Variants in TENM3 observed in about 807,000 individuals in gnomAD.
TENM3 encodes the protein teneurin-3.
Under a neutral mutation model 255.1 loss-of-function variants are expected in TENM3, and 63 were observed. The ratio of observed to expected loss-of-function variants is 0.25; its 90% CI spans 0.20 to 0.30. The LOEUF (loss-of-function observed/expected upper bound fraction) is 0.30. TENM3 is among the 10% of genes least tolerant of loss of function. TENM3 has a pLI of 1.00. For synonymous variants in TENM3, 1,306 were observed against 1,322.3 expected, an observed-to-expected ratio of 0.99 and a Z score of 0.27; for missense variants, 2,929 against 3,461.1, an observed-to-expected ratio of 0.85 and a Z score of 3.86.
chr4:182,295,194 T>A (rs1761389760), intron 1 of TENM3, among the ~76,000 whole-genome samples: 1 of 151,608 alleles, frequency 6.6e-6, no homozygotes, highest in African/African-American at 2.4e-5. Context: ...TTATTGATGA[T>A]ATAAGACACA....
the TENM3 span, among the ~76,000 whole-genome samples, chr4:181,546,442 G>A: frequency 0.051 from 7,614 of 149,640 alleles, 372 homozygotes; most frequent in African/African-American, 0.13. Flanking sequence ...GAGGCTGAGC[G>A]CGGTGGCTCA....
the TENM3 span, among the ~76,000 whole-genome samples, chr4:181,463,144 A>G: frequency 6.6e-6 from 1 of 152,188 alleles, no homozygotes; most frequent in Non-Finnish European, 1.5e-5. Flanking sequence ...AAAAAACAAC[A>G]TAGCCCTCCC....
At chr4:182,644,864 CAG>C (rs1203358603) in intron 5 of TENM3, among the ~76,000 whole-genome samples, 1 of 152,038 alleles carries the variant, frequency 6.6e-6, no homozygotes, top group African/African-American at 2.4e-5. Flanking sequence ...CTGTTAGTAA[CAG>C]AGGTTTTGAC....
chr4:182,639,320 C>T (rs1196511827), intron 5 of TENM3, among the ~76,000 whole-genome samples: 3 of 152,170 alleles, frequency 2.0e-5, no homozygotes, highest in Non-Finnish European at 2.9e-5. Flanking sequence ...AGTTAACCTT[C>T]GTAAACCTGA....
At chr4:182,253,040 A>G (rs557746354) in intron 1 of TENM3, among the ~76,000 whole-genome samples, 1 of 152,358 alleles carries the variant, frequency 6.6e-6, no homozygotes, top group East Asian at 1.9e-4. Context: ...AAGGAGAAAG[A>G]AAATGATTTT....
chr4:181,846,202 A>G, the TENM3 span, among the ~76,000 whole-genome samples: 1 of 152,174 alleles, frequency 6.6e-6, no homozygotes, highest in South Asian at 2.1e-4. Flanking sequence ...TTCATAAGTC[A>G]TTTGGAGTTT....
chr4:181,982,528 C>A, the TENM3 span, among the ~76,000 whole-genome samples: 1 of 152,158 alleles, frequency 6.6e-6, no homozygotes, highest in Non-Finnish European at 1.5e-5. Context: ...TTAGGCACTT[C>A]TGGAGCTACA....
At chr4:181,709,700 T>C in the TENM3 span, among the ~76,000 whole-genome samples, 1 of 152,162 alleles carries the variant, frequency 6.6e-6, no homozygotes, top group Non-Finnish European at 1.5e-5. Flanking sequence ...ATGTGGATCA[T>C]AGGAGGGGAC....
Position 182,209,483 on chromosome 4 carries a change from C to G in TENM3, c.-76+64729C>G, listed in dbSNP as rs1579727922. On this transcript the variant is annotated intron_variant, in intron 1 of 2. Transcript: ENST00000512480. ...CAAGACTCCTGCTGGCAGACCCAGT[C>G]TTTGCTGTCCTAAACCTCTGCTTGT... Among the ~76,000 whole-genome samples, 5 of 152,180 alleles carry G rather than the reference C, an allele frequency of 3.3e-5. No homozygotes were observed. In the East Asian group the frequency reaches 9.8e-4, roughly 30 times the overall value.
chr4:182,223,075 T>C (rs1464718330), intron 1 of TENM3, among the ~76,000 whole-genome samples: 1 of 152,136 alleles, frequency 6.6e-6, no homozygotes, highest in African/African-American at 2.4e-5. Flanking sequence ...TTCAGCAGCT[T>C]GTCAATAAGA....
chr4:182,296,259 A>G (rs1761489026), intron 1 of TENM3, among the ~76,000 whole-genome samples: 1 of 152,180 alleles, frequency 6.6e-6, no homozygotes, highest in Admixed American at 6.5e-5. Context: ...TTAAGTTATT[A>G]AGAAATTACC....
chr4:181,786,502 G>T, the TENM3 span, among the ~76,000 whole-genome samples: 3 of 152,112 alleles, frequency 2.0e-5, no homozygotes, highest in Non-Finnish European at 4.4e-5. Flanking sequence ...GGGTTGAGGG[G>T]TGAGGGGTGG....
chr4:181,657,814 A>T, the TENM3 span, among the ~76,000 whole-genome samples: 7 of 145,922 alleles, frequency 4.8e-5, no homozygotes, highest in African/African-American at 1.5e-4. Flanking sequence ...AAAAAAAAAA[A>T]CAAATCTATG....
At position 182,301,516 on chromosome 4, in the gene TENM3, A is replaced by AT. The variant is rs1175681314; in HGVS notation, c.-75-22424dup. 2.6e-5 allele frequency among the ~76,000 whole-genome samples: 4 copies of AT among 152,126 alleles called. No homozygotes were observed. The South Asian group carries it at 6.2e-4, about 24-fold the overall frequency. On this transcript the variant is annotated intron_variant, in intron 1 of 27. Transcript: ENST00000511685. Reference sequence around the variant, plus strand: ...AGAAAAATATTACTGTCAATTTCAGATTTTTTCTTTAATTATTTTAAACTC... The same window carrying AT: ...AGAAAAATATTACTGTCAATTTCAGATTTTTTTCTTTAATTATTTTAAACTC...
chr4:182,143,164 AAGAGT>A (rs1217956775), upstream of TENM3: 1 of 167,118 alleles, frequency 6.0e-6, no homozygotes, highest in Non-Finnish European at 1.5e-5. The surrounding 1 kb of genome is among the most constrained non-coding windows in gnomAD (Gnocchi z 4.3). Flanking sequence ...GAGAGGAAAG[AAGAGT>A]AGTAAAAGTG....
At chr4:182,637,827 A>G (rs2152487958) in intron 5 of TENM3, among the ~76,000 whole-genome samples, 1 of 152,358 alleles carries the variant, frequency 6.6e-6, no homozygotes, top group Non-Finnish European at 1.5e-5. Flanking sequence ...CATAAAAGAC[A>G]GAACTTTACT....
At chr4:181,612,727 T>C in the TENM3 span, among the ~76,000 whole-genome samples, 2 of 152,192 alleles carry the variant, frequency 1.3e-5, no homozygotes, top group African/African-American at 2.4e-5. Context: ...GAGAAGACTG[T>C]CTAAAGGCTT....
In TENM3 at chr4:182,564,584, T is replaced by G. The variant is rs868609610; in HGVS notation, c.512-36340T>G. Among the ~76,000 whole-genome samples, 407 of 149,180 alleles carry G rather than the reference T, an allele frequency of 2.7e-3. 1 individual carries two copies. Among genetic ancestry groups the G allele is most frequent in the African/African-American group, 9.0e-3 (373 of 41,298 alleles). ...TTTTTGTTTTTGTTTTTGTTTTGTT[T>G]TTTTTTTTTTTGGTCCAATATCCCT... On this transcript the variant is annotated intron_variant, in intron 3 of 27. Coordinates refer to ENST00000511685, the MANE Select transcript of TENM3 (RefSeq NM_001080477.4).
the TENM3 span, among the ~76,000 whole-genome samples, chr4:182,024,839 C>A: frequency 6.6e-6 from 1 of 152,018 alleles, no homozygotes; most frequent in Non-Finnish European, 1.5e-5. Context: ...CCAGCTACCA[C>A]CCTCCCAGCG....
Sources: allele counts gnomAD v4.1 joint callset (sites outside exome capture counted in the v4.1 genomes callset), GRCh38; gene constraint gnomAD v4.1.1; non-coding constraint Gnocchi (gnomAD v3.1); transcripts MANE v1.5; gene names NCBI Gene and HGNC (gene_info 2026-07-23, HGNC 2026-07-21).